Variants in KCND2 observed in about 807,000 individuals in gnomAD.
KCND2 encodes the protein A-type voltage-gated potassium channel KCND2.
A neutral mutation model predicts 54.4 loss-of-function variants in KCND2; 16 were observed. That is an observed-to-expected ratio of 0.29 (90% CI 0.20 to 0.45). KCND2 has a LOEUF of 0.45. Ranked by LOEUF, KCND2 falls within the 20% of genes least tolerant of loss-of-function variation. KCND2 has a pLI of 1.00. For missense variants in KCND2, 486 were observed against 824.2 expected, an observed-to-expected ratio of 0.59 and a Z score of 5.02; for synonymous variants, 317 against 310.7, an observed-to-expected ratio of 1.02 and a Z score of -0.21.
chr7:120,563,764 T>C (rs1792264169), intron 1 of KCND2, among the ~76,000 whole-genome samples: 1 of 152,106 alleles, frequency 6.6e-6, no homozygotes. Context: ...TAATACCCTA[T>C]CCCCATCTTG....
chr7:120,397,989 G>GTATATA (rs1478344765), intron 1 of KCND2, among the ~76,000 whole-genome samples: 46 of 40,252 alleles, frequency 1.1e-3, no homozygotes, highest in Non-Finnish European at 2.5e-3. Context: ...GTGTGTGTGT[G>GTATATA]TGTGTGTATA....
At chr7:120,692,252 A>G (rs1029980789) in intron 1 of KCND2, among the ~76,000 whole-genome samples, 5 of 152,202 alleles carry the variant, frequency 3.3e-5, no homozygotes, top group African/African-American at 4.8e-5. Flanking sequence ...CCAATATTAC[A>G]TGAAGTCCAT....
chr7:120,283,730 A>G (rs960909377), intron 1 of KCND2, among the ~76,000 whole-genome samples: 1 of 152,152 alleles, frequency 6.6e-6, no homozygotes, highest in Non-Finnish European at 1.5e-5. Flanking sequence ...CAATTGTAAT[A>G]TTAGTGTTCA....
chr7:120,649,530 C>A (rs1258418529), intron 1 of KCND2, among the ~76,000 whole-genome samples: 1 of 152,070 alleles, frequency 6.6e-6, no homozygotes, highest in Non-Finnish European at 1.5e-5. Flanking sequence ...TTAATTAGAT[C>A]CCATTTGTCT....
chr7:120,643,224 G>A (rs934110636), intron 1 of KCND2, among the ~76,000 whole-genome samples: 1 of 151,844 alleles, frequency 6.6e-6, no homozygotes, highest in African/African-American at 2.4e-5. Flanking sequence ...TTAACCATGG[G>A]GAATGCAGTT....
intron 1 of KCND2, among the ~76,000 whole-genome samples, chr7:120,425,331 A>C (rs551202127): frequency 1.3e-5 from 2 of 152,366 alleles, no homozygotes; most frequent in East Asian, 3.9e-4. Context: ...TAACATGCAC[A>C]TGCACATGCA....
intron 1 of KCND2, among the ~76,000 whole-genome samples, chr7:120,490,629 C>A (rs28475180): frequency 0.1 from 15,362 of 152,074 alleles, 1,498 homozygotes; most frequent in African/African-American, 0.26. Flanking sequence ...AGTTAAGCAG[C>A]AGCATCATAT....
chr7:120,496,500 C>T (rs558067555), intron 1 of KCND2, among the ~76,000 whole-genome samples: 9 of 152,196 alleles, frequency 5.9e-5, no homozygotes, highest in African/African-American at 2.2e-4. Context: ...TCTCGGCTCA[C>T]TGTAAGCTCC....
intron 1 of KCND2, among the ~76,000 whole-genome samples, chr7:120,564,119 G>A (rs922140765): frequency 7.9e-5 from 12 of 152,054 alleles, no homozygotes; most frequent in African/African-American, 2.7e-4. Context: ...TTACACATCT[G>A]TAAAAGCATG....
chr7:120,527,874 G>C (rs1397897289), intron 1 of KCND2, among the ~76,000 whole-genome samples: 1 of 151,990 alleles, frequency 6.6e-6, no homozygotes, highest in Non-Finnish European at 1.5e-5. Context: ...ACATATCTTT[G>C]CAAAATAGGC....
At chr7:120,459,136 T>C (rs372811468) in intron 1 of KCND2, among the ~76,000 whole-genome samples, 28 of 152,244 alleles carry the variant, frequency 1.8e-4, no homozygotes, top group African/African-American at 6.3e-4. Flanking sequence ...GCACTTAATA[T>C]GGCCTATCAG....
intron 1 of KCND2, among the ~76,000 whole-genome samples, chr7:120,284,003 A>G (rs1799302377): frequency 2.6e-5 from 4 of 152,184 alleles, no homozygotes; most frequent in Admixed American, 2.6e-4. Context: ...ACCATGCTGA[A>G]GAATAAACTA....
At chr7:120,389,665 TG>T (rs1801043767) in intron 1 of KCND2, among the ~76,000 whole-genome samples, 1 of 151,946 alleles carries the variant, frequency 6.6e-6, no homozygotes, top group South Asian at 2.1e-4. Flanking sequence ...GTTTTACTCA[TG>T]TTAACCTAAT....
intron 1 of KCND2, among the ~76,000 whole-genome samples, chr7:120,438,182 A>G (rs1801897494): frequency 6.6e-6 from 1 of 152,216 alleles, no homozygotes; most frequent in African/African-American, 2.4e-5. Context: ...AAACAATTTT[A>G]GATATTTGGC....
At chr7:120,272,913 C>T (rs889117971), upstream of KCND2, among the ~76,000 whole-genome samples, 1 of 152,124 alleles carries the variant, frequency 6.6e-6, no homozygotes, top group Non-Finnish European at 1.5e-5. Flanking sequence ...TTCCCACGCT[C>T]GCCTTGAACC....
At chr7:120,325,814 C>G (rs1476495120) in intron 1 of KCND2, among the ~76,000 whole-genome samples, 1 of 151,968 alleles carries the variant, frequency 6.6e-6, no homozygotes, top group East Asian at 1.9e-4. Context: ...TTTATGATCA[C>G]TGAGGTGGCA....
At chr7:120,351,250 A>ATATG (rs1427197579) in intron 1 of KCND2, among the ~76,000 whole-genome samples, 1 of 146,098 alleles carries the variant, frequency 6.8e-6, no homozygotes, top group Non-Finnish European at 1.5e-5. Flanking sequence ...GTGTGTATAT[A>ATATG]TATATATATA....
In KCND2 at chr7:120,273,189, G is replaced by T. The variant is rs115852796; in HGVS notation, c.-1444G>T. ...AGACGCCTTTCCTAACCTGCGTGGC[G>T]GGGCGTGCGCGCGGTTATTTATTTA... is the stretch of plus-strand genomic sequence containing the variant. On this transcript the variant is annotated 5_prime_UTR_variant, in exon 1 of 6. Transcript: ENST00000331113. 0.018 allele frequency among the ~76,000 whole-genome samples: 2,692 copies of T among 152,242 alleles called. 85 individuals carry two copies. Among genetic ancestry groups the T allele is most frequent in the African/African-American group, 0.062 (2,557 of 41,534 alleles).
chr7:120,365,094 A>C (rs1188898690), intron 1 of KCND2, among the ~76,000 whole-genome samples: 1 of 151,752 alleles, frequency 6.6e-6, no homozygotes, highest in Non-Finnish European at 1.5e-5. Flanking sequence ...GCCAAGGTAA[A>C]GTTCATAGTT....
Sources: gnomAD v4.1 joint callset for allele counts (sites outside exome capture counted in the v4.1 genomes callset) on GRCh38, gnomAD v4.1.1 for gene constraint, MANE v1.5 for transcripts, NCBI Gene and HGNC (gene_info 2026-07-23, HGNC 2026-07-21) for gene names.